The following RBFOX1 variants were observed in gnomAD, a reference collection of about 807,000 sequenced individuals.
RBFOX1 encodes the protein RNA binding fox-1 homolog 1.
A neutral mutation model predicts 57.7 loss-of-function variants in RBFOX1; 8 were observed. The observed-to-expected ratio is 0.14, with a 90% confidence interval of 0.08 to 0.25. The LOEUF (loss-of-function observed/expected upper bound fraction) is 0.25. RBFOX1 is among the 10% of genes least tolerant of loss of function. The probability of loss-of-function intolerance (pLI) is 1.00; values close to 1 mark genes in which losing one functional copy is unlikely to be tolerated. For missense variants in RBFOX1, 611 were observed against 548.5 expected, an observed-to-expected ratio of 1.11 and a Z score of -1.14; for synonymous variants, 326 against 222.4, an observed-to-expected ratio of 1.47 and a Z score of -4.15.
chr16:6,997,669 G>C (rs923831594), intron 3 of RBFOX1, among the ~76,000 whole-genome samples: 1 of 152,092 alleles, frequency 6.6e-6, no homozygotes, highest in Non-Finnish European at 1.5e-5. Flanking sequence ...GTATTGTTCG[G>C]TTTCTTGAAA....
At chr16:7,617,693 C>T (rs551408302) in intron 10 of RBFOX1, among the ~76,000 whole-genome samples, 26 of 152,218 alleles carry the variant, frequency 1.7e-4, no homozygotes, top group African/African-American at 4.8e-4. Flanking sequence ...TAGTATCGGG[C>T]GCTAGACACT....
intron 3 of RBFOX1, among the ~76,000 whole-genome samples, chr16:5,825,817 T>C (rs2056022089): frequency 6.9e-6 from 1 of 145,632 alleles, no homozygotes; most frequent in Non-Finnish European, 1.5e-5. Context: ...GAATAAGGAA[T>C]AATATTCCTT....
chr16:6,905,789 C>T (rs948149100), intron 3 of RBFOX1, among the ~76,000 whole-genome samples: 4 of 152,170 alleles, frequency 2.6e-5, no homozygotes, highest in Non-Finnish European at 4.4e-5. Flanking sequence ...CAGACTGAGC[C>T]GGTCCTGCCT....
chr16:5,387,469 G>T lies in RBFOX1; in HGVS notation c.220-79747G>T, dbSNP rs564647180. Among the ~76,000 whole-genome samples the T allele has an allele frequency of 2.6e-4, 40 of 152,344 alleles. 1 individual carries two copies. The highest frequency in any genetic ancestry group is 8.2e-4 in the African/African-American group (34 of 41,584). On this transcript the variant is annotated intron_variant, in intron 1 of 2. Coordinates refer to the RBFOX1 transcript ENST00000585867. ...CTTTGAGGGACATTGTCATGGCCCA[G>T]TGTGGCTACTGCTGCTCCAGTTATC...
intron 4 of RBFOX1, among the ~76,000 whole-genome samples, chr16:7,249,603 A>G (rs1482157186): frequency 7.0e-6 from 1 of 143,784 alleles, no homozygotes; most frequent in African/African-American, 2.7e-5. Flanking sequence ...TCTTTCTTTA[A>G]AAAAAAAAAG....
intron 2 of RBFOX1, among the ~76,000 whole-genome samples, chr16:6,614,229 C>A (rs1466502243): frequency 6.6e-6 from 1 of 152,132 alleles, no homozygotes; most frequent in Middle Eastern, 3.2e-3. Flanking sequence ...ATACTGCCTG[C>A]TGCAAGTAAG....
Position 7,564,540 on chromosome 16 carries a change from C to CAAAAAAAAAA in RBFOX1, c.271-15218_271-15209dup, listed in dbSNP as rs5815409. ...TGGCTGACAGAGCAAGACTCCATCTCAAAAAAAAAAAAAAAAAAAAAAAAA... is the reference window on the plus strand; with the variant it reads ...TGGCTGACAGAGCAAGACTCCATCTCAAAAAAAAAAAAAAAAAAAAAAAAAAAAAAAAAAA... On this transcript the variant is annotated intron_variant, in intron 5 of 15. Transcript: ENST00000550418. Among the ~76,000 whole-genome samples the CAAAAAAAAAA allele has an allele frequency of 2.2e-4, 18 of 82,516 alleles. 4 individuals are homozygous for CAAAAAAAAAA. Among genetic ancestry groups the CAAAAAAAAAA allele is most frequent in the African/African-American group, 1.6e-3 (17 of 10,456 alleles). The allele number at this position is 82,516 out of a possible 152,430, so 54.1% of individuals were successfully genotyped here.
chr16:6,234,466 G>A (rs1255140818), intron 1 of RBFOX1, among the ~76,000 whole-genome samples: 1 of 152,148 alleles, frequency 6.6e-6, no homozygotes, highest in Non-Finnish European at 1.5e-5. Flanking sequence ...GCATGGTGAT[G>A]TCTCATAACC....
intron 2 of RBFOX1, among the ~76,000 whole-genome samples, chr16:6,538,234 T>C (rs750455357): frequency 4.6e-5 from 7 of 152,188 alleles, no homozygotes; most frequent in Non-Finnish European, 1.0e-4. Flanking sequence ...CTCATACCTG[T>C]AATCCCAGTA....
intron 1 of RBFOX1, among the ~76,000 whole-genome samples, chr16:5,335,365 T>G (rs1471804165): frequency 6.6e-6 from 1 of 152,150 alleles, no homozygotes; most frequent in Non-Finnish European, 1.5e-5. Flanking sequence ...CCTGAAGCTT[T>G]TAGGAGTTCA....
intron 2 of RBFOX1, among the ~76,000 whole-genome samples, chr16:5,525,648 C>T (rs1289423591): frequency 6.6e-6 from 1 of 152,006 alleles, no homozygotes; most frequent in Non-Finnish European, 1.5e-5. Flanking sequence ...CAGGCTCCCA[C>T]CACCAAGCCC....
chr16:7,188,464 G>A (rs2084469869), intron 4 of RBFOX1, among the ~76,000 whole-genome samples: 1 of 152,182 alleles, frequency 6.6e-6, no homozygotes, highest in African/African-American at 2.4e-5. Context: ...ATGTTACAGA[G>A]GTCTAATATG....
intron 4 of RBFOX1, among the ~76,000 whole-genome samples, chr16:7,261,435 A>G (rs552006301): frequency 2.0e-5 from 3 of 152,162 alleles, no homozygotes; most frequent in Non-Finnish European, 4.4e-5. Context: ...GGTGCCTAAT[A>G]GTTAAAAGTT....
intron 1 of RBFOX1, among the ~76,000 whole-genome samples, chr16:5,252,891 C>G (rs569654046): frequency 6.6e-5 from 10 of 152,320 alleles, no homozygotes; most frequent in Admixed American, 6.5e-4. Flanking sequence ...GCTTTAGAAG[C>G]TTCTCCCTCC....
At chr16:7,362,526 G>A (rs1365250639) in intron 4 of RBFOX1, among the ~76,000 whole-genome samples, 1 of 150,364 alleles carries the variant, frequency 6.7e-6, no homozygotes, top group Non-Finnish European at 1.5e-5. Flanking sequence ...GTGTTTACAT[G>A]TGTGTCAGTG....
chr16:7,080,107 C>G (rs967198739), intron 4 of RBFOX1, among the ~76,000 whole-genome samples: 4 of 139,680 alleles, frequency 2.9e-5, no homozygotes, highest in African/African-American at 1.1e-4. Context: ...ATATATAAAA[C>G]CACAATTTAA....
intron 3 of RBFOX1, among the ~76,000 whole-genome samples, chr16:7,022,175 C>T (rs1022907060): frequency 6.7e-6 from 1 of 149,784 alleles, no homozygotes; most frequent in African/African-American, 2.5e-5. Flanking sequence ...ATGATCCTCC[C>T]ACCTCAGCCT....
chr16:7,668,986 C>A (rs1453128469), intron 13 of RBFOX1, among the ~76,000 whole-genome samples: 1 of 152,168 alleles, frequency 6.6e-6, no homozygotes, highest in Non-Finnish European at 1.5e-5. Context: ...TCACTTGCAA[C>A]CTCCGCTTCC....
At chr16:5,498,115 G>A (rs1597307721) in intron 2 of RBFOX1, among the ~76,000 whole-genome samples, 1 of 152,142 alleles carries the variant, frequency 6.6e-6, no homozygotes, top group Non-Finnish European at 1.5e-5. Context: ...GAAGGTCTTA[G>A]TAAGGGGATT....
Sources: gnomAD v4.1 joint callset for allele counts (sites outside exome capture counted in the v4.1 genomes callset) on GRCh38, gnomAD v4.1.1 for gene constraint, MANE v1.5 for transcripts, NCBI Gene and HGNC (gene_info 2026-07-23, HGNC 2026-07-21) for gene names.